FLNB: variants seen among roughly 807,000 people sequenced by gnomAD.
The protein encoded by FLNB is filamin-B.
FLNB carries 111 observed loss-of-function variants against 250.6 expected under a neutral mutation model. The observed-to-expected ratio is 0.44, with a 90% confidence interval of 0.38 to 0.52. FLNB has a LOEUF of 0.52. Among genes scored for constraint, FLNB ranks in the 20% least tolerant of loss-of-function variants. The pLI is 0.00. For missense variants in FLNB, 2,869 were observed against 3,447.8 expected (o/e 0.83, Z 4.20); for synonymous variants, 1,302 against 1,372.1 (o/e 0.95, Z 1.13).
chr3:58,102,712 G>A (rs1413531287), intron 9 of FLNB, among the ~76,000 whole-genome samples: 13 of 152,194 alleles, frequency 8.5e-5, no homozygotes, highest in Admixed American at 8.5e-4. Flanking sequence ...ATCTGAGCTG[G>A]AATTCAAGCA....
intron 1 of FLNB, among the ~76,000 whole-genome samples, chr3:58,011,126 G>T (rs970887370): frequency 6.6e-6 from 1 of 152,146 alleles, no homozygotes; most frequent in African/African-American, 2.4e-5. Flanking sequence ...TGTTGGCCAG[G>T]CTGGTCTCGA....
rs770714919 is a variant in FLNB at position 58,150,185 on chromosome 3, G to T, written c.6325G>T (p.Ala2109Ser). 6.2e-7 allele frequency: 1 copy of T among 1,614,232 alleles called. No homozygotes were observed. The highest frequency in any genetic ancestry group is 8.5e-7 in the Non-Finnish European group (1 of 1,180,034). Residue 2109 changes from alanine to serine, a missense_variant, in exon 38 of 46, where the codon GCC (alanine) becomes TCC (serine). Around this residue, in one of 5 missense-constraint regions of FLNB, gnomAD observed 1,084 missense variants for 1,315.5 expected, o/e 0.82. Transcript: ENST00000295956. ...CCGCACCAGTCGGGCCCCGTCCGTG[G>T]CCACTGTCGGGAGCATTTGTGACCT... ...ITRTSRAPSV[A>S]TVGSICDLNL...
intron 1 of FLNB, among the ~76,000 whole-genome samples, chr3:58,076,553 C>T (rs2097201905): frequency 6.6e-6 from 1 of 152,102 alleles, no homozygotes; most frequent in Non-Finnish European, 1.5e-5. Flanking sequence ...TTCCCGGGCT[C>T]AAGCGATCCT....
At chr3:58,012,556 G>C (rs1305656463) in intron 1 of FLNB, among the ~76,000 whole-genome samples, 4 of 152,282 alleles carry the variant, frequency 2.6e-5, no homozygotes, top group African/African-American at 9.6e-5. Flanking sequence ...GTGTTAGGGT[G>C]GTGGCTGGAT....
intron 1 of FLNB, among the ~76,000 whole-genome samples, chr3:58,019,938 G>C (rs903773375): frequency 6.6e-6 from 1 of 152,210 alleles, no homozygotes; most frequent in Admixed American, 6.5e-5. Context: ...CTTTGGAGGA[G>C]GTGGGCAGGG....
At chr3:58,071,456 T>C (rs901257086) in intron 1 of FLNB, among the ~76,000 whole-genome samples, 26 of 151,860 alleles carry the variant, frequency 1.7e-4, no homozygotes, top group African/African-American at 6.0e-4. Context: ...TTTTTGTATT[T>C]TGAGTAGAGA....
At chr3:58,028,031 T>C (rs1056754408) in intron 1 of FLNB, among the ~76,000 whole-genome samples, 1 of 152,224 alleles carries the variant, frequency 6.6e-6, no homozygotes, top group African/African-American at 2.4e-5. Context: ...GCCTTTTCCT[T>C]GACCTGCTCA....
rs762656829 is a variant in FLNB, at chr3:58,168,483, A to G, written c.7242A>G (p.Pro2414=). The G allele has an allele frequency of 5.0e-6, 8 of 1,614,240 alleles. No individual in the cohort carries two copies. Among genetic ancestry groups the G allele is most frequent in the Non-Finnish European group, 5.9e-6 (7 of 1,180,018 alleles). ...EFFINTTRAG[P]GTLSVTIEGP... The stretch of plus-strand genomic sequence containing the variant: ...TTATTAACACCACCCGAGCAGGTCC[A>G]GGGACATTATCCGTCACCATCGAAG... The change falls in exon 44 of 46, where the codon CCA becomes CCG. Residue 2414 remains proline (P), a synonymous_variant. Transcript: ENST00000295956.
At chr3:58,117,249 T>A (rs2097279937) in intron 18 of FLNB, among the ~76,000 whole-genome samples, 1 of 152,238 alleles carries the variant, frequency 6.6e-6, no homozygotes, top group South Asian at 2.1e-4. Flanking sequence ...TTTAAAATGC[T>A]GTAGGCATTG....
Position 58,081,667 on chromosome 3 carries a change from C to T in FLNB, c.678C>T (p.Asp226=), listed in dbSNP as rs1000134283. 9.9e-6 allele frequency: 16 copies of T among 1,613,958 alleles called. No homozygotes were observed. Among genetic ancestry groups the T allele is most frequent in the South Asian group, 3.3e-5 (3 of 91,090 alleles). The change falls in exon 4 of 46, where the codon GAC becomes GAT. Residue 226 remains aspartate (D), a synonymous_variant. Transcript: ENST00000295956. The part of the protein sequence containing the change: ...TPEEIIHPDV[D]EHSVMTYLSQ... ...AAGAAATCATTCACCCGGATGTGGACGAGCACTCAGTTATGACTTACCTGT... is the reference window on the plus strand; with the variant it reads ...AAGAAATCATTCACCCGGATGTGGATGAGCACTCAGTTATGACTTACCTGT...
chr3:58,008,818 A>G lies in FLNB; in HGVS notation c.254A>G (p.Glu85Gly). The change falls in exon 1 of 46, where the codon GAG becomes GGG. Residue 85 changes from glutamate to glycine, a missense_variant. Physicochemically the swap from Glu to Gly is moderately conservative, Grantham distance 98. Transcript: ENST00000295956. ...CTCGAGAATGTGTCCGTGGCGCTCG[A>G]GTTCCTGGACCGTGAGAGCATCAAG... ...MQLENVSVAL[E>G]FLDRESIKLV... The G allele has an allele frequency of 6.2e-7, 1 of 1,613,880 alleles. No individual in the cohort carries two copies. The highest frequency in any genetic ancestry group is 8.5e-7 in the Non-Finnish European group (1 of 1,179,974).
rs767119388 is a variant in FLNB, at chr3:58,132,899, A to G, written c.4482A>G (p.Ser1494=). 1 of 1,614,116 alleles carries G rather than the reference A, an allele frequency of 6.2e-7. No homozygotes were observed. The highest frequency in any genetic ancestry group is 8.5e-7 in the Non-Finnish European group (1 of 1,180,004). ...TPSQEGPYMV[S]VKYADEEIPR... Reference sequence around the variant, plus strand: ...CTCAGGAGGGACCTTACATGGTCTCAGTTAAATATGCTGATGAAGAGATTC... The same window carrying G: ...CTCAGGAGGGACCTTACATGGTCTCGGTTAAATATGCTGATGAAGAGATTC... Residue 1494 remains serine (S), a synonymous_variant, in exon 26 of 46, where the codon TCA becomes TCG. Coordinates refer to ENST00000295956, the MANE Select transcript of FLNB (RefSeq NM_001457.4).
chr3:58,153,729 G>C (rs750456298), intron 39 of FLNB, 88 bp downstream of exon 39: 91 of 1,472,814 alleles, frequency 6.2e-5, no homozygotes, highest in Non-Finnish European at 8.4e-5. Flanking sequence ...TGCCCCATTT[G>C]AAAGAGAAGA....
chr3:58,152,839 C>T (rs1469329908), intron 38 of FLNB: 4 of 883,090 alleles, frequency 4.5e-6, no homozygotes, highest in Non-Finnish European at 4.8e-6. Context: ...AGTGCAGGCA[C>T]AGTCGTTGGC....
chr3:58,092,628 A>G (rs945019337), intron 4 of FLNB, among the ~76,000 whole-genome samples: 6 of 152,212 alleles, frequency 3.9e-5, no homozygotes, highest in African/African-American at 1.4e-4. Context: ...CCTGGGCTAC[A>G]GAGTGAGACT....
chr3:58,039,978 G>A (rs1447891341), intron 1 of FLNB, among the ~76,000 whole-genome samples: 1 of 152,154 alleles, frequency 6.6e-6, no homozygotes, highest in Non-Finnish European at 1.5e-5. Flanking sequence ...AACTCTGTCT[G>A]TACTAAAAAT....
intron 1 of FLNB, among the ~76,000 whole-genome samples, chr3:58,043,301 AT>A (rs2097148953): frequency 2.0e-5 from 3 of 151,708 alleles, no homozygotes; most frequent in Admixed American, 2.0e-4. Context: ...TGTCCGGCTA[AT>A]TTTTGTATTT....
intron 24 of FLNB, among the ~76,000 whole-genome samples, chr3:58,128,091 G>T (rs1054758561): frequency 6.6e-6 from 1 of 152,204 alleles, no homozygotes; most frequent in African/African-American, 2.4e-5. Flanking sequence ...AGCCTCAGCG[G>T]GGTCTTGTTC....
At chr3:58,068,185 T>G (rs772068561) in intron 1 of FLNB, among the ~76,000 whole-genome samples, 21 of 152,224 alleles carry the variant, frequency 1.4e-4, no homozygotes, top group Non-Finnish European at 2.2e-4. Context: ...GGAGGCTGAC[T>G]GACCATCTAG....
Sources: gnomAD v4.1 joint callset for allele counts (sites outside exome capture counted in the v4.1 genomes callset) on GRCh38, gnomAD v4.1.1 for gene constraint, gnomAD v4.1.1 regional missense constraint, MANE v1.5 for transcripts, NCBI Gene and HGNC (gene_info 2026-07-23, HGNC 2026-07-21) for gene names.